Variants in DACH2 observed in about 807,000 individuals in gnomAD.
The protein encoded by DACH2 is dachshund homolog 2.
Under a neutral mutation model 35.8 loss-of-function variants are expected in DACH2, and 17 were observed. The ratio of observed to expected loss-of-function variants is 0.48; its 90% CI spans 0.33 to 0.71. The LOEUF is 0.71. Among genes scored for constraint, DACH2 ranks in the 30% least tolerant of loss-of-function variants. DACH2 has a pLI of 0.02. For synonymous variants in DACH2, 195 were observed against 177.3 expected (o/e 1.10, Z -0.79); for missense variants, 469 against 472.7 (o/e 0.99, Z 0.07).
chrX:86,162,373 A>T (rs1232592880), intron 1 of DACH2, among the ~76,000 whole-genome samples: 2 of 111,435 alleles, frequency 1.8e-5, no homozygotes, highest in Non-Finnish European at 3.8e-5. Context: ...AAACTAAAAA[A>T]GGGTGGAGAA....
chrX:86,739,477 T>G (rs2041630744), intron 6 of DACH2, among the ~76,000 whole-genome samples: 1 of 112,065 alleles, frequency 8.9e-6, no homozygotes, highest in Non-Finnish European at 1.9e-5. Flanking sequence ...TTTATGAATT[T>G]TTTAGCAGAG....
intron 2 of DACH2, among the ~76,000 whole-genome samples, chrX:86,390,171 G>A (rs1308258638): frequency 1.8e-5 from 2 of 111,207 alleles, no homozygotes; most frequent in Non-Finnish European, 3.8e-5. Context: ...ATAAAAGCTG[G>A]CAATGTCTCT....
chrX:86,828,812 C>T (rs1381979020), intron 11 of DACH2: 1 of 111,608 alleles, frequency 9.0e-6, no homozygotes, highest in Non-Finnish European at 1.9e-5. Context: ...TACTAAAAAT[C>T]TAATAGAGCA....
At chrX:86,455,351 C>G (rs778858061) in intron 2 of DACH2, among the ~76,000 whole-genome samples, 1 of 111,287 alleles carries the variant, frequency 9.0e-6, no homozygotes, top group East Asian at 2.9e-4. Flanking sequence ...TCTTCTGGAC[C>G]ATTTGGACTC....
chrX:86,534,936 A>G lies in DACH2; in HGVS notation c.640+20545A>G, dbSNP rs564732039. Among the ~76,000 whole-genome samples, 34 of 111,864 alleles carry G rather than the reference A, an allele frequency of 3.0e-4. No homozygotes were observed. The South Asian group carries it at 0.012, about 41-fold the overall frequency. The stretch of plus-strand genomic sequence containing the variant: ...CTTTAAATTTTAATTTATCTTATCA[A>G]ATTTGCATTGATCATCAACTAAATT... On this transcript the variant is annotated intron_variant, in intron 3 of 11. Coordinates refer to ENST00000373125, the MANE Select transcript of DACH2 (RefSeq NM_053281.3).
chrX:86,192,331 C>A (rs2031854707), intron 1 of DACH2, among the ~76,000 whole-genome samples: 1 of 112,141 alleles, frequency 8.9e-6, no homozygotes, highest in Non-Finnish European at 1.9e-5. Context: ...CAGTTCCTTA[C>A]AAATAACAGG....
At chrX:86,563,178 A>T (rs768091054) in intron 3 of DACH2, among the ~76,000 whole-genome samples, 6 of 109,399 alleles carry the variant, frequency 5.5e-5, no homozygotes, top group Admixed American at 4.9e-4. Flanking sequence ...TGGTATGGGT[A>T]CTAAGTAGAG....
intron 2 of DACH2, among the ~76,000 whole-genome samples, chrX:86,428,182 T>G (rs2036924839): frequency 9.0e-6 from 1 of 111,568 alleles, no homozygotes; most frequent in African/African-American, 3.2e-5. Flanking sequence ...ATTACAAAAT[T>G]TACAAATTAA....
chrX:86,459,878 A>AC (rs1286738658), intron 2 of DACH2, among the ~76,000 whole-genome samples: 4 of 708 alleles, frequency 5.6e-3, no homozygotes, highest in Non-Finnish European at 0.017. Flanking sequence ...GATTATGATT[A>AC]TTTTTATTAT....
intron 1 of DACH2, among the ~76,000 whole-genome samples, chrX:86,353,319 C>G (rs202179216): frequency 0.12 from 17 of 145 alleles, 7 homozygotes; most frequent in East Asian, 1. Flanking sequence ...TGGGTCTTGA[C>G]TCTTTATCCA....
chrX:86,717,932 T>G (rs1285711799), intron 6 of DACH2, among the ~76,000 whole-genome samples: 2 of 108,853 alleles, frequency 1.8e-5, no homozygotes, highest in Admixed American at 1.0e-4. Context: ...AGGTTGATCG[T>G]ATATCATTGC....
chrX:86,404,264 A>G (rs1248231663), intron 2 of DACH2, among the ~76,000 whole-genome samples: 8 of 111,340 alleles, frequency 7.2e-5, no homozygotes, highest in Non-Finnish European at 1.5e-4. Context: ...GCATTAACTC[A>G]AAAGTCCAAG....
At chrX:86,525,841 C>G (rs2038623905) in intron 3 of DACH2, among the ~76,000 whole-genome samples, 1 of 111,587 alleles carries the variant, frequency 9.0e-6, no homozygotes, top group African/African-American at 3.3e-5. Context: ...CAAGCCAAGT[C>G]TATTGGATTA....
intron 3 of DACH2, among the ~76,000 whole-genome samples, chrX:86,637,680 C>A (rs2040291769): frequency 9.0e-6 from 1 of 111,083 alleles, no homozygotes; most frequent in Non-Finnish European, 1.9e-5. Flanking sequence ...ATGATGAGAA[C>A]ACCTGGACAC....
intron 1 of DACH2, among the ~76,000 whole-genome samples, chrX:86,256,806 G>T (rs1037798924): frequency 9.0e-6 from 1 of 111,334 alleles, no homozygotes; most frequent in African/African-American, 3.3e-5. Context: ...CCTATTTAAG[G>T]TATGAGAATT....
chrX:86,377,072 CT>C (rs1205259089), intron 2 of DACH2, among the ~76,000 whole-genome samples: 1 of 111,385 alleles, frequency 9.0e-6, no homozygotes, highest in Non-Finnish European at 1.9e-5. Context: ...GAATTACAAT[CT>C]GTCCATCCAG....
Position 86,151,932 on chromosome X carries a change from A to G in DACH2, c.488+2824A>G, listed in dbSNP as rs893978620. Among the ~76,000 whole-genome samples the G allele has an allele frequency of 2.7e-5, 3 of 110,897 alleles. No individual in the cohort carries two copies. In the Admixed American group the frequency reaches 2.9e-4, roughly 11 times the overall value. On this transcript the variant is annotated intron_variant, in intron 1 of 11. Transcript: ENST00000373125. ...GTGATGCCTTGAGACAGAGTGAAAG[A>G]TGGAACAGAAGAGCTTATAGAGATG... is the stretch of plus-strand genomic sequence containing the variant.
rs780614146 is a variant in DACH2 at position 86,439,383 on chromosome X, G to A, written c.527+62521G>A. On this transcript the variant is annotated intron_variant, in intron 2 of 11. Transcript: ENST00000373125. ...CATTGTGTTGGTTATTTCCTTTGCT[G>A]TGAATAAGTTTTTTAGTTTAAGATA... Among the ~76,000 whole-genome samples the A allele has an allele frequency of 4.5e-5, 5 of 111,932 alleles. No homozygotes were observed. The South Asian group carries it at 1.8e-3, about 41-fold the overall frequency.
At chrX:86,463,172 C>T (rs921218372) in intron 2 of DACH2, among the ~76,000 whole-genome samples, 1 of 109,983 alleles carries the variant, frequency 9.1e-6, no homozygotes, top group Non-Finnish European at 1.9e-5. Flanking sequence ...ATTTTTCAAC[C>T]TATTATGTAT....
Sources: gnomAD v4.1 joint callset for allele counts (sites outside exome capture counted in the v4.1 genomes callset) on GRCh38, gnomAD v4.1.1 for gene constraint, MANE v1.5 for transcripts, NCBI Gene and HGNC (gene_info 2026-07-23, HGNC 2026-07-21) for gene names.